The following TK1 variants were observed in gnomAD, a reference collection of about 807,000 sequenced individuals.
The protein encoded by TK1 is thymidine kinase 1.
In TK1, 13 loss-of-function variants were observed where a neutral mutation model predicts 22.4. The observed-to-expected ratio is 0.58, with a 90% CI of 0.38 to 0.92. The LOEUF (loss-of-function observed/expected upper bound fraction) is 0.92, where lower values mean the gene tolerates loss of function less well. TK1 is among the 40% of genes least tolerant of loss of function. The probability of loss-of-function intolerance (pLI) is 0.00; values close to 1 mark genes in which losing one functional copy is unlikely to be tolerated. For missense variants in TK1, 251 were observed against 315.7 expected (o/e 0.80, Z 1.55); for synonymous variants, 134 against 125.4 (o/e 1.07, Z -0.46).
At chr17:78,184,658 G>A (rs2075767365) in intron 3 of TK1, among the ~76,000 whole-genome samples, 1 of 152,158 alleles carries the variant, frequency 6.6e-6, no homozygotes, top group Non-Finnish European at 1.5e-5. Flanking sequence ...CCCTACGGCA[G>A]AGTTTCTGAA....
Position 78,174,793 on chromosome 17 carries a change from G to A in TK1, c.671C>T (p.Pro224Leu), listed in dbSNP as rs1383460375. The A allele has an allele frequency of 1.2e-6, 2 of 1,612,046 alleles. No homozygotes were observed. The highest frequency in any genetic ancestry group is 1.7e-4 in the Middle Eastern group (1 of 6,058). The part of the protein sequence containing the change: ...EAVAARKLFA[P>L]QQILQCSPAN ...AGGGCTGCATTGCAGAATCTGCTGT[G>A]GGGCAAAGAGCTTCCTGGCAGCCAC... is the stretch of plus-strand genomic sequence containing the variant. The change falls in exon 7 of 7, where the codon CCA becomes CTA. Residue 224 changes from proline to leucine, a missense_variant. Transcript: ENST00000301634.
chr17:78,181,216 G>T (rs2075735163), intron 4 of TK1, among the ~76,000 whole-genome samples: 1 of 152,124 alleles, frequency 6.6e-6, no homozygotes, highest in South Asian at 2.1e-4. Context: ...CTCCACTCCA[G>T]CCAGGGCAAC....
Position 78,175,140 on chromosome 17 carries a change from C to A in TK1, c.423G>T (p.Pro141=). The A allele has an allele frequency of 6.2e-7, 1 of 1,613,184 alleles. No individual in the cohort carries two copies. The highest frequency in any genetic ancestry group is 8.5e-7 in the Non-Finnish European group (1 of 1,179,876). Residue 141 remains proline (P), a synonymous_variant, in exon 6 of 7, where the codon CCG becomes CCT. Coordinates refer to ENST00000301634, the MANE Select transcript of TK1 (RefSeq NM_003258.5). ...KPFGAILNLV[P]LAESVVKLTA... ...TCAGCTTCACCACGCTCTCGGCCAG[C>A]GGCACCAGGTTCAGGATGGCCCCAA...
chr17:78,182,251 G>A (rs562700050), intron 4 of TK1, among the ~76,000 whole-genome samples: 13 of 151,836 alleles, frequency 8.6e-5, no homozygotes, highest in East Asian at 7.8e-4. Flanking sequence ...GCGCATGCCT[G>A]TAATCCCAGC....
chr17:78,175,637 G>A lies in TK1; in HGVS notation c.304-19C>T. On this transcript the variant is annotated intron_variant, in intron 4 of 6. Coordinates refer to ENST00000301634, the MANE Select transcript of TK1 (RefSeq NM_003258.5). ...CAGGGAACTGGAAAGGGCACGTGGA[G>A]AAAGAGTGTGAGAGCTTCCACCCCA... 6.2e-7 allele frequency: 1 copy of A among 1,609,000 alleles called. No individual in the cohort carries two copies.
At chr17:78,186,748 A>C in intron 2 of TK1, 39 bp downstream of exon 2, 2 of 1,563,838 alleles carry the variant, frequency 1.3e-6, no homozygotes, top group Non-Finnish European at 1.7e-6. Context: ...TCCCCGGAGA[A>C]GAGGAAGGAG....
intron 2 of TK1, among the ~76,000 whole-genome samples, chr17:78,185,774 C>T (rs967564961): frequency 1.5e-4 from 23 of 152,108 alleles, no homozygotes; most frequent in Middle Eastern, 3.2e-3. Flanking sequence ...AAGTGATCAA[C>T]GCACCTCAGC....
chr17:78,176,015 C>T (rs2075697008), intron 4 of TK1, among the ~76,000 whole-genome samples: 1 of 152,192 alleles, frequency 6.6e-6, no homozygotes, highest in Admixed American at 6.5e-5. Context: ...GAACCTGTTT[C>T]CTTTTCCTTA....
chr17:78,181,756 C>T (rs1295291750), intron 4 of TK1, among the ~76,000 whole-genome samples: 1 of 151,876 alleles, frequency 6.6e-6, no homozygotes, highest in African/African-American at 2.4e-5. Context: ...ACATTACTCC[C>T]CACCTCCCCC....
chr17:78,184,956 G>T, intron 3 of TK1, 99 bp downstream of exon 3: 1 of 918,770 alleles, frequency 1.1e-6, no homozygotes, highest in Non-Finnish European at 1.7e-6. Flanking sequence ...ATCATTCAAT[G>T]TTCAAATGAT....
chr17:78,175,720 T>G, intron 4 of TK1, 102 bp from the exon 5 acceptor site: 1 of 1,049,754 alleles, frequency 9.5e-7, no homozygotes, highest in Non-Finnish European at 1.4e-6. Flanking sequence ...CTCCGGCCAT[T>G]TGGCCCGGAG....
rs1382052457 is a variant in TK1 at position 78,179,042 on chromosome 17, T to C, written c.304-3424A>G. 3 of 501,264 alleles carry C rather than the reference T, an allele frequency of 6.0e-6. No individual in the cohort carries two copies. In the Admixed American group the frequency reaches 1.9e-4, roughly 32 times the overall value. 31.1% of individuals were successfully genotyped at this position (501,264 alleles called of 1,614,324 possible). On this transcript the variant is annotated intron_variant, in intron 4 of 6. Coordinates refer to ENST00000301634, the MANE Select transcript of TK1 (RefSeq NM_003258.5). ...AGGGGACAGGACTTCATACGCTGGC[T>C]CCTGACTCAGGGCATTTGGATGTCG...
intron 2 of TK1, 88 bp downstream of exon 2, chr17:78,186,699 G>A: frequency 4.6e-6 from 5 of 1,079,126 alleles, no homozygotes; most frequent in Non-Finnish European, 5.1e-6. Context: ...GGAGGGGAGG[G>A]GAGGGGAGGG....
chr17:78,186,920 C>T lies in TK1; in HGVS notation c.66+9G>A, dbSNP rs1161719363. 4 of 1,567,290 alleles carry T rather than the reference C, an allele frequency of 2.6e-6. No individual in the cohort carries two copies. The highest frequency in any genetic ancestry group is 1.7e-6 in the Non-Finnish European group (2 of 1,156,438). On this transcript the variant is annotated intron_variant, in intron 1 of 6. Transcript: ENST00000301634. The stretch of plus-strand genomic sequence containing the variant: ...CATCCCCAGCCACGCGCAGGGCTGG[C>T]CCCCGCACCTGGATCTGCCCCCGGG...
intron 4 of TK1, chr17:78,179,857 G>A (rs2075726625): frequency 1.7e-6 from 1 of 592,756 alleles, no homozygotes; most frequent in Non-Finnish European, 2.1e-6. Context: ...ATCACCTGAG[G>A]TTAGGAGTTC....
intron 2 of TK1, 33 bp from the exon 3 acceptor site, chr17:78,185,198 C>T (rs376814692): frequency 3.5e-5 from 55 of 1,574,360 alleles, no homozygotes; most frequent in Admixed American, 3.0e-4. Flanking sequence ...GTGAGGTCCA[C>T]GGCGGGAGGA....
rs1452814884 is a variant in TK1 at position 78,174,845 on chromosome 17, G to A, written c.619C>T (p.Pro207Ser). The A allele has an allele frequency of 2.5e-6, 4 of 1,613,670 alleles. No individual in the cohort carries two copies. The highest frequency in any genetic ancestry group is 3.4e-6 in the Non-Finnish European group (4 of 1,179,754). The stretch of plus-strand genomic sequence containing the variant: ...GCTTCCCCTGGCTTTCCTGGCACTG[G>A]GCAGTTCTCTTTGTTGTCCGGCCCG... ...PAGPDNKENC[P>S]VPGKPGEAVA... The change falls in exon 7 of 7, where the codon CCA becomes TCA. Residue 207 changes from proline to serine, a missense_variant. Pro to Ser is a moderately conservative substitution (Grantham distance 74). Transcript: ENST00000301634.
At chr17:78,186,239 GAAGAAC>G (rs2075791258) in intron 2 of TK1, among the ~76,000 whole-genome samples, 1 of 152,028 alleles carries the variant, frequency 6.6e-6, no homozygotes, top group Admixed American at 6.6e-5. Flanking sequence ...CCTACCTCTA[GAAGAAC>G]AAAAACAAAA....
chr17:78,183,272 T>TA lies in TK1; in HGVS notation c.210-591dup, dbSNP rs749996350. 5.9e-5 allele frequency among the ~76,000 whole-genome samples: 9 copies of TA among 152,194 alleles called. No homozygotes were observed. The South Asian group carries it at 1.7e-3, about 28-fold the overall frequency. ...GGCAGACTAGGCCAACTTCATCAGGTACCAGGGCCCATGATACCATTAGGG... is the reference window on the plus strand; with the variant it reads ...GGCAGACTAGGCCAACTTCATCAGGTAACCAGGGCCCATGATACCATTAGGG... On this transcript the variant is annotated intron_variant, in intron 3 of 6. Coordinates refer to ENST00000301634, the MANE Select transcript of TK1 (RefSeq NM_003258.5).
Sources: gnomAD v4.1 joint callset for allele counts (sites outside exome capture counted in the v4.1 genomes callset) on GRCh38, gnomAD v4.1.1 for gene constraint, MANE v1.5 for transcripts, NCBI Gene and HGNC (gene_info 2026-07-23, HGNC 2026-07-21) for gene names.